The following DPP6 variants were observed in gnomAD, a reference collection of about 807,000 sequenced individuals.
The protein encoded by DPP6 is dipeptidyl peptidase like 6.
DPP6 carries 69 observed loss-of-function variants against 122.6 expected under a neutral mutation model. The ratio of observed to expected loss-of-function variants is 0.56; its 90% CI spans 0.46 to 0.69. DPP6 has a LOEUF of 0.69. Among genes scored for constraint, DPP6 ranks in the 30% least tolerant of loss-of-function variants. The pLI is 0.00. For synonymous variants in DPP6, 418 were observed against 433.1 expected (o/e 0.97, Z 0.43); for missense variants, 928 against 1,116.9 (o/e 0.83, Z 2.41).
At chr7:154,443,935 G>C (rs1452926888) in intron 1 of DPP6, among the ~76,000 whole-genome samples, 1 of 152,108 alleles carries the variant, frequency 6.6e-6, no homozygotes. Flanking sequence ...TGTGCCGGGG[G>C]ACAACCTAGT....
chr7:154,113,412 T>TATATATACAC (rs1472172445), intron 1 of DPP6, among the ~76,000 whole-genome samples: 4 of 141,888 alleles, frequency 2.8e-5, no homozygotes, highest in African/African-American at 1.0e-4. Flanking sequence ...TATATATATA[T>TATATATACAC]ACACACACAC....
At chr7:154,355,184 T>A (rs1434727086) in intron 1 of DPP6, among the ~76,000 whole-genome samples, 2 of 152,242 alleles carry the variant, frequency 1.3e-5, no homozygotes, top group Non-Finnish European at 2.9e-5. Flanking sequence ...TGCTCATTTT[T>A]AAATTGTATT....
At chr7:154,041,444 C>G (rs148478637) in intron 1 of DPP6, among the ~76,000 whole-genome samples, 2 of 152,194 alleles carry the variant, frequency 1.3e-5, no homozygotes, top group Admixed American at 6.5e-5. Context: ...CTGATTGGCC[C>G]TCTCGGGAAC....
intron 1 of DPP6, among the ~76,000 whole-genome samples, chr7:154,271,505 C>A (rs2150934163): frequency 6.6e-6 from 1 of 152,314 alleles, no homozygotes. Context: ...GAAGTCCCAG[C>A]ATGGACAGGA....
intron 1 of DPP6, among the ~76,000 whole-genome samples, chr7:154,248,643 A>G (rs1368173849): frequency 6.6e-6 from 1 of 152,218 alleles, no homozygotes; most frequent in Non-Finnish European, 1.5e-5. Context: ...AGGCAGGTGG[A>G]TCACTTGACA....
chr7:154,509,385 A>T (rs1455960458), intron 3 of DPP6, among the ~76,000 whole-genome samples: 2 of 152,214 alleles, frequency 1.3e-5, no homozygotes, highest in African/African-American at 2.4e-5. Flanking sequence ...AAGATATTTG[A>T]CGTCATCGTT....
intron 6 of DPP6, among the ~76,000 whole-genome samples, chr7:154,660,169 A>G (rs1263659889): frequency 4.6e-5 from 7 of 152,276 alleles, no homozygotes; most frequent in Admixed American, 3.3e-4. Context: ...GTGAATCACC[A>G]TCGCATATTG....
chr7:154,451,663 C>T (rs1820392761), intron 2 of DPP6, among the ~76,000 whole-genome samples: 1 of 152,212 alleles, frequency 6.6e-6, no homozygotes, highest in African/African-American at 2.4e-5. Context: ...GAACTCTTCT[C>T]CCTCCATGCT....
chr7:154,238,344 T>C (rs1338516279), intron 1 of DPP6, among the ~76,000 whole-genome samples: 1 of 152,208 alleles, frequency 6.6e-6, no homozygotes, highest in African/African-American at 2.4e-5. Context: ...TATTGACACA[T>C]ATTAAAGAGT....
At chr7:154,485,891 C>T (rs1191060993) in intron 3 of DPP6, among the ~76,000 whole-genome samples, 1 of 151,934 alleles carries the variant, frequency 6.6e-6, no homozygotes, top group Non-Finnish European at 1.5e-5. Flanking sequence ...GTGCTGCACC[C>T]ATTAACTCTT....
intron 2 of DPP6, among the ~76,000 whole-genome samples, chr7:154,451,128 C>T (rs538593372): frequency 3.9e-5 from 6 of 151,908 alleles, no homozygotes; most frequent in East Asian, 1.9e-4. Flanking sequence ...TTTAGGAGGG[C>T]GAGGTGGGCA....
intron 1 of DPP6, among the ~76,000 whole-genome samples, chr7:153,913,521 A>T (rs764081680): frequency 6.6e-6 from 1 of 152,012 alleles, no homozygotes; most frequent in African/African-American, 2.4e-5. Flanking sequence ...CTTAATTTCT[A>T]CCTCCCTGGG....
intron 8 of DPP6, among the ~76,000 whole-genome samples, chr7:154,751,755 C>T (rs920695317): frequency 1.3e-5 from 2 of 152,154 alleles, no homozygotes; most frequent in Non-Finnish European, 2.9e-5. Context: ...AGAGCAGCGC[C>T]CCCGAGGCAG....
chr7:153,969,410 C>T (rs1483385974), intron 1 of DPP6, among the ~76,000 whole-genome samples: 1 of 146,844 alleles, frequency 6.8e-6, no homozygotes, highest in Non-Finnish European at 1.5e-5. Flanking sequence ...GGATAAATTT[C>T]TCATCCTATT....
intron 1 of DPP6, among the ~76,000 whole-genome samples, chr7:154,060,364 G>T (rs867156970): frequency 8.1e-6 from 1 of 123,016 alleles, no homozygotes; most frequent in Non-Finnish European, 1.7e-5. Flanking sequence ...GGGACTGAGA[G>T]CCAGCCCCTG....
intron 1 of DPP6, among the ~76,000 whole-genome samples, chr7:153,910,849 A>G (rs985168591): frequency 3.9e-5 from 6 of 152,054 alleles, no homozygotes; most frequent in African/African-American, 1.2e-4. Flanking sequence ...CGGGTTTCAG[A>G]TGCATCACAT....
chr7:154,869,351 T>C (rs772758936), intron 18 of DPP6, among the ~76,000 whole-genome samples: 2 of 151,778 alleles, frequency 1.3e-5, no homozygotes, highest in Non-Finnish European at 2.9e-5. Context: ...CAAAAACAGG[T>C]CCCCCAAACA....
intron 1 of DPP6, among the ~76,000 whole-genome samples, chr7:153,980,540 A>G (rs1236097646): frequency 2.6e-5 from 4 of 151,688 alleles, no homozygotes; most frequent in African/African-American, 7.3e-5. Context: ...TTGTGTGTCT[A>G]TCTCCTTCAG....
chr7:153,949,895 A>C (rs903671949), intron 1 of DPP6, among the ~76,000 whole-genome samples: 2 of 152,176 alleles, frequency 1.3e-5, no homozygotes, highest in Admixed American at 6.5e-5. Flanking sequence ...AGGCTGAAAC[A>C]GGGTCTGGAG....
Sources: gnomAD v4.1 joint callset for allele counts (sites outside exome capture counted in the v4.1 genomes callset) on GRCh38, gnomAD v4.1.1 for gene constraint, MANE v1.5 for transcripts, NCBI Gene and HGNC (gene_info 2026-07-23, HGNC 2026-07-21) for gene names.